EYS: variants seen among roughly 807,000 people sequenced by gnomAD.
The protein encoded by EYS is protein eyes shut homolog.
A neutral mutation model predicts 282.1 loss-of-function variants in EYS; 250 were observed. That is an observed-to-expected ratio of 0.89 (90% CI 0.80 to 0.98). The LOEUF is 0.98. EYS is among the 50% of genes least tolerant of loss of function. EYS has a pLI of 0.00. For missense variants in EYS, 4,016 were observed against 3,709.0 expected, an observed-to-expected ratio of 1.08 and a Z score of -2.15; for synonymous variants, 1,355 against 1,282.9, an observed-to-expected ratio of 1.06 and a Z score of -1.20.
chr6:64,731,739 G>A (rs543180769), intron 22 of EYS, among the ~76,000 whole-genome samples: 3 of 152,260 alleles, frequency 2.0e-5, no homozygotes, highest in South Asian at 4.1e-4. Flanking sequence ...TAAATGTTGT[G>A]GAAGACAGTG....
At chr6:65,181,656 CT>C (rs1765388051) in intron 12 of EYS, among the ~76,000 whole-genome samples, 1 of 152,126 alleles carries the variant, frequency 6.6e-6, no homozygotes, top group Non-Finnish European at 1.5e-5. Flanking sequence ...GTGGCGATTC[CT>C]TAGGGATCTA....
intron 29 of EYS, among the ~76,000 whole-genome samples, chr6:64,379,272 T>G (rs2150418704): frequency 6.6e-6 from 1 of 152,262 alleles, no homozygotes; most frequent in East Asian, 1.9e-4. Flanking sequence ...AGCCAAAAAT[T>G]GATTTTATTT....
At chr6:65,633,767 C>T (rs1415912322) in intron 2 of EYS, among the ~76,000 whole-genome samples, 1 of 152,198 alleles carries the variant, frequency 6.6e-6, no homozygotes, top group Admixed American at 6.5e-5. Context: ...CTAAAGCCCA[C>T]AGATCAAATT....
chr6:64,220,121 T>C (rs1296433204), intron 31 of EYS, among the ~76,000 whole-genome samples: 3 of 152,164 alleles, frequency 2.0e-5, no homozygotes, highest in Non-Finnish European at 4.4e-5. Context: ...ACATGGCACA[T>C]GTATACATAT....
At chr6:64,843,725 A>G (rs1489927582) in intron 19 of EYS, among the ~76,000 whole-genome samples, 1 of 152,030 alleles carries the variant, frequency 6.6e-6, no homozygotes, top group African/African-American at 2.4e-5. Flanking sequence ...TGGACTGTGG[A>G]CTTCTGGGTT....
intron 1 of EYS, among the ~76,000 whole-genome samples, chr6:65,693,577 C>T (rs986906781): frequency 2.0e-5 from 3 of 149,392 alleles, no homozygotes; most frequent in Non-Finnish European, 3.0e-5. Context: ...TACAATAAAA[C>T]CTGCAGAAGT....
At chr6:64,466,925 C>T (rs1775939503) in intron 26 of EYS, among the ~76,000 whole-genome samples, 1 of 151,882 alleles carries the variant, frequency 6.6e-6, no homozygotes, top group African/African-American at 2.4e-5. Flanking sequence ...AATCTGAAGA[C>T]ATTAAAGTAT....
At position 65,158,954 on chromosome 6, in the gene EYS, A is replaced by G. The variant is rs1203996609; in HGVS notation, c.2024-101227T>C. On this transcript the variant is annotated intron_variant, in intron 12 of 42. Coordinates refer to ENST00000503581, the MANE Select transcript of EYS (RefSeq NM_001142800.2). ...GTCCCAACCAAGCATGCAACCAACA[A>G]ACTTTTAGCATTGCACTGAGAGGGT... Among the ~76,000 whole-genome samples, 3 of 150,832 alleles carry G rather than the reference A, an allele frequency of 2.0e-5. No homozygotes were observed. In the Admixed American group the frequency reaches 2.0e-4, roughly 10 times the overall value.
At chr6:64,239,595 G>T (rs1239602552) in intron 30 of EYS, among the ~76,000 whole-genome samples, 1 of 130,840 alleles carries the variant, frequency 7.6e-6, no homozygotes, top group Admixed American at 7.6e-5. Flanking sequence ...CTTTTTGATG[G>T]GGTTGTTTTT....
At chr6:64,060,836 T>A (rs966835718) in intron 33 of EYS, among the ~76,000 whole-genome samples, 1 of 152,204 alleles carries the variant, frequency 6.6e-6, no homozygotes, top group Non-Finnish European at 1.5e-5. Flanking sequence ...TGTTTGGGTT[T>A]TAGCAAATAC....
chr6:64,637,485 C>A (rs1474547199), intron 22 of EYS, among the ~76,000 whole-genome samples: 1 of 86,162 alleles, frequency 1.2e-5, no homozygotes, highest in Non-Finnish European at 2.5e-5. Context: ...GGAGATATAC[C>A]TAATGTTAAA....
intron 19 of EYS, among the ~76,000 whole-genome samples, chr6:64,828,648 T>A (rs973865544): frequency 6.6e-6 from 1 of 151,996 alleles, no homozygotes. Flanking sequence ...CAAGTATCCA[T>A]GTGGACAGAA....
At chr6:65,239,876 GC>G (rs1332102586) in intron 12 of EYS, among the ~76,000 whole-genome samples, 2 of 151,340 alleles carry the variant, frequency 1.3e-5, no homozygotes, top group East Asian at 3.9e-4. Context: ...TGTACTATAA[GC>G]AGAAAAAAAA....
intron 31 of EYS, among the ~76,000 whole-genome samples, chr6:64,106,085 T>C (rs543075218): frequency 6.6e-6 from 1 of 152,256 alleles, no homozygotes; most frequent in Non-Finnish European, 1.5e-5. Flanking sequence ...AGCTACCATA[T>C]TTGCTGGTAT....
intron 12 of EYS, among the ~76,000 whole-genome samples, chr6:65,244,567 C>T (rs1767132840): frequency 6.6e-6 from 1 of 152,110 alleles, no homozygotes; most frequent in Non-Finnish European, 1.5e-5. Context: ...GACTGGAGTG[C>T]AGTGGCGCGA....
At chr6:64,853,829 A>G (rs547592659) in intron 19 of EYS, among the ~76,000 whole-genome samples, 6 of 152,270 alleles carry the variant, frequency 3.9e-5, no homozygotes, top group Admixed American at 3.9e-4. Flanking sequence ...AGAATGGGAG[A>G]AAATTTTTGC....
At chr6:65,432,041 A>G (rs1767907903) in intron 5 of EYS, among the ~76,000 whole-genome samples, 1 of 152,172 alleles carries the variant, frequency 6.6e-6, no homozygotes, top group South Asian at 2.1e-4. Context: ...ATATCCAATA[A>G]TAATGGCATT....
chr6:65,648,343 T>TGC (rs1767530831), intron 1 of EYS, among the ~76,000 whole-genome samples: 1 of 151,924 alleles, frequency 6.6e-6, no homozygotes, highest in Non-Finnish European at 1.5e-5. Flanking sequence ...TGTGTGTGTG[T>TGC]GTGTGTGTAT....
chr6:64,576,435 A>G (rs1765883607), intron 26 of EYS, among the ~76,000 whole-genome samples: 1 of 152,002 alleles, frequency 6.6e-6, no homozygotes, highest in Non-Finnish European at 1.5e-5. Context: ...TGAGATTAAG[A>G]CAGGTTAATA....
Sources: allele counts gnomAD v4.1 joint callset (sites outside exome capture counted in the v4.1 genomes callset), GRCh38; gene constraint gnomAD v4.1.1; transcripts MANE v1.5; gene names NCBI Gene and HGNC (gene_info 2026-07-23, HGNC 2026-07-21).